The following FAF1 variants were observed in gnomAD, a reference collection of about 807,000 sequenced individuals.
FAF1 encodes the protein FAS-associated factor 1.
A neutral mutation model predicts 92.5 loss-of-function variants in FAF1; 25 were observed. The observed-to-expected ratio is 0.27, with a 90% CI of 0.20 to 0.38. FAF1 has a LOEUF of 0.38. FAF1 is among the 10% of genes least tolerant of loss of function. The pLI is 1.00. For synonymous variants in FAF1, 234 were observed against 273.2 expected (o/e 0.86, Z 1.42); for missense variants, 636 against 793.3 (o/e 0.80, Z 2.38).
chr1:50,731,681 C>T (rs906123315), intron 6 of FAF1, among the ~76,000 whole-genome samples: 1 of 152,042 alleles, frequency 6.6e-6, no homozygotes, highest in Non-Finnish European at 1.5e-5. Flanking sequence ...AAACACTTGT[C>T]TTCTAATTGG....
chr1:50,709,400 C>T (rs1422799260), intron 6 of FAF1, among the ~76,000 whole-genome samples: 4 of 152,060 alleles, frequency 2.6e-5, no homozygotes, highest in Admixed American at 1.3e-4. Flanking sequence ...TCAGTATATC[C>T]CTTGGAAAGT....
At chr1:50,839,750 A>T (rs1644241037) in intron 2 of FAF1, among the ~76,000 whole-genome samples, 1 of 152,114 alleles carries the variant, frequency 6.6e-6, no homozygotes, top group Non-Finnish European at 1.5e-5. Context: ...GACATGCCAC[A>T]CTGAAAACAA....
intron 1 of FAF1, among the ~76,000 whole-genome samples, chr1:50,927,042 A>G (rs900925504): frequency 2.0e-5 from 3 of 152,214 alleles, no homozygotes; most frequent in Non-Finnish European, 4.4e-5. Context: ...TTCCACGTCT[A>G]TAAGTACTCA....
At chr1:50,715,265 C>T (rs1447839568) in intron 6 of FAF1, among the ~76,000 whole-genome samples, 2 of 152,134 alleles carry the variant, frequency 1.3e-5, no homozygotes, top group Non-Finnish European at 2.9e-5. Flanking sequence ...AACATATCAC[C>T]TTATAATTTT....
intron 9 of FAF1, among the ~76,000 whole-genome samples, chr1:50,589,325 G>C (rs550060525): frequency 1.3e-5 from 2 of 152,026 alleles, no homozygotes; most frequent in African/African-American, 4.8e-5. Flanking sequence ...CAGGTGCTTA[G>C]GCACCTGAAA....
intron 17 of FAF1, among the ~76,000 whole-genome samples, chr1:50,482,404 A>C (rs1646714484): frequency 6.6e-6 from 1 of 152,174 alleles, no homozygotes; most frequent in African/African-American, 2.4e-5. Context: ...CCAGGTTTAG[A>C]TGACTACAAA....
In FAF1 at chr1:50,459,138, AT is replaced by A. The variant is rs562661457; in HGVS notation, c.1869+16325del. The stretch of plus-strand genomic sequence containing the variant: ...AGGCATGTGCCACCACACCTGGCTA[AT>A]TTTTTTTTATTTTTAGTAGAGACGA... On this transcript the variant is annotated intron_variant, in intron 18 of 18. Transcript: ENST00000396153. Among the ~76,000 whole-genome samples the A allele has an allele frequency of 3.7e-3, 564 of 151,294 alleles. 5 individuals carry two copies. Among genetic ancestry groups the A allele is most frequent in the African/African-American group, 0.013 (537 of 41,280 alleles).
chr1:50,460,142 T>C (rs1646407567), intron 18 of FAF1, among the ~76,000 whole-genome samples: 1 of 152,210 alleles, frequency 6.6e-6, no homozygotes, highest in Admixed American at 6.5e-5. Context: ...CTTCCATATT[T>C]TTTCATCTCT....
At chr1:50,769,824 G>A (rs1357495873) in intron 4 of FAF1, among the ~76,000 whole-genome samples, 1 of 152,164 alleles carries the variant, frequency 6.6e-6, no homozygotes, top group Non-Finnish European at 1.5e-5. Context: ...GCCAAGGCAG[G>A]TGGATCACTT....
chr1:50,835,242 A>C (rs1644189793), intron 2 of FAF1, among the ~76,000 whole-genome samples: 1 of 152,230 alleles, frequency 6.6e-6, no homozygotes, highest in Admixed American at 6.5e-5. Flanking sequence ...GCTTAACTAA[A>C]GGAAATAAGG....
At chr1:50,487,855 G>A (rs985243048) in intron 17 of FAF1, among the ~76,000 whole-genome samples, 1 of 152,130 alleles carries the variant, frequency 6.6e-6, no homozygotes, top group Non-Finnish European at 1.5e-5. Flanking sequence ...CAGGTGACCC[G>A]GCTTCTGATC....
At chr1:50,586,380 G>A (rs1273409649) in intron 9 of FAF1, among the ~76,000 whole-genome samples, 2 of 152,174 alleles carry the variant, frequency 1.3e-5, no homozygotes, top group East Asian at 3.9e-4. Context: ...TGCTCATCTA[G>A]TGATTCTAAG....
At chr1:50,498,025 C>T (rs1213524250) in intron 15 of FAF1, among the ~76,000 whole-genome samples, 1 of 151,976 alleles carries the variant, frequency 6.6e-6, no homozygotes, top group African/African-American at 2.4e-5. Flanking sequence ...TATAAAGCTA[C>T]AGTAATTGAA....
chr1:50,569,988 G>A (rs900285161), intron 12 of FAF1, among the ~76,000 whole-genome samples: 2 of 152,126 alleles, frequency 1.3e-5, no homozygotes, highest in Non-Finnish European at 2.9e-5. Flanking sequence ...CGAAGATCAG[G>A]CACTGTCTGT....
chr1:50,943,328 T>C (rs768203748), intron 1 of FAF1, among the ~76,000 whole-genome samples: 2 of 152,196 alleles, frequency 1.3e-5, no homozygotes, highest in Non-Finnish European at 2.9e-5. Context: ...AATAAGATAA[T>C]GAAATCCCAT....
At chr1:50,855,381 A>G (rs892595526) in intron 2 of FAF1, among the ~76,000 whole-genome samples, 5 of 151,798 alleles carry the variant, frequency 3.3e-5, no homozygotes, top group Non-Finnish European at 1.5e-5. Context: ...CCTAACTCAG[A>G]TTCCTTTACA....
chr1:50,495,332 C>T (rs993839294), intron 15 of FAF1, among the ~76,000 whole-genome samples: 3 of 152,132 alleles, frequency 2.0e-5, no homozygotes, highest in African/African-American at 7.2e-5. Context: ...TTGATTTTTA[C>T]ATTCTACAAA....
chr1:50,757,786 T>C (rs997319753), intron 4 of FAF1, among the ~76,000 whole-genome samples: 1 of 152,188 alleles, frequency 6.6e-6, no homozygotes, highest in African/African-American at 2.4e-5. Flanking sequence ...CTATTGGTCT[T>C]ATCTATTTCA....
chr1:50,508,011 C>T (rs560264972), intron 15 of FAF1, among the ~76,000 whole-genome samples: 5 of 152,214 alleles, frequency 3.3e-5, no homozygotes, highest in South Asian at 2.1e-4. Context: ...TAGTCATTAA[C>T]GAAATGCAAA....
Sources: gnomAD v4.1 joint callset for allele counts (sites outside exome capture counted in the v4.1 genomes callset) on GRCh38, gnomAD v4.1.1 for gene constraint, MANE v1.5 for transcripts, NCBI Gene and HGNC (gene_info 2026-07-23, HGNC 2026-07-21) for gene names.